The following PLEKHG1 variants were observed in gnomAD, a reference collection of about 807,000 sequenced individuals.
PLEKHG1 encodes pleckstrin homology domain-containing family G member 1.
PLEKHG1 carries 44 observed loss-of-function variants against 100.8 expected under a neutral mutation model. The observed-to-expected ratio is 0.44, with a 90% CI of 0.34 to 0.56. PLEKHG1 has a LOEUF of 0.56. Ranked by LOEUF, PLEKHG1 falls within the 20% of genes least tolerant of loss-of-function variation. The probability of loss-of-function intolerance (pLI) is 0.01; values close to 1 mark genes in which losing one functional copy is unlikely to be tolerated. For synonymous variants in PLEKHG1, 640 were observed against 662.5 expected (o/e 0.97, Z 0.52); for missense variants, 1,545 against 1,720.9 (o/e 0.90, Z 1.81).
At chr6:150,684,005 G>T in intron 3 of PLEKHG1, 1 of 354,728 alleles carries the variant, frequency 2.8e-6, no homozygotes, top group Non-Finnish European at 5.5e-6. Flanking sequence ...GAGACCGCAG[G>T]TAGATGTCCC....
chr6:150,683,959 T>C lies in PLEKHG1; in HGVS notation c.-99+33173T>C, dbSNP rs1483724566. The C allele has an allele frequency of 6.4e-6, 3 of 470,898 alleles. No individual in the cohort carries two copies. In the East Asian group the frequency reaches 2.2e-4, roughly 34 times the overall value. 29.2% of individuals were successfully genotyped at this position (470,898 alleles called of 1,614,324 possible). On this transcript the variant is annotated intron_variant, in intron 3 of 3. Transcript: ENST00000367326. This position sits in a 1 kb window ranked among gnomAD's most constrained non-coding sequence, Gnocchi z 4.0. Reference sequence around the variant, plus strand: ...GGGCAGTGGCAAGTAGTGGGTTTCATGGAAGGATAAAAGTATCAGGCAGCC... The same window carrying C: ...GGGCAGTGGCAAGTAGTGGGTTTCACGGAAGGATAAAAGTATCAGGCAGCC...
At chr6:150,830,220 T>A (rs1036825719) in intron 14 of PLEKHG1, among the ~76,000 whole-genome samples, 5 of 152,150 alleles carry the variant, frequency 3.3e-5, no homozygotes, top group Non-Finnish European at 7.4e-5. Context: ...ATAAAATGAT[T>A]GTGAATATTA....
At chr6:150,670,999 A>G (rs1398138650) in intron 3 of PLEKHG1, among the ~76,000 whole-genome samples, 2 of 151,376 alleles carry the variant, frequency 1.3e-5, no homozygotes, top group Non-Finnish European at 2.9e-5. Flanking sequence ...TTCCTGGGTT[A>G]CATCACTTAG....
intron 3 of PLEKHG1, among the ~76,000 whole-genome samples, chr6:150,692,868 A>C (rs1176153497): frequency 6.6e-6 from 1 of 152,226 alleles, no homozygotes; most frequent in Non-Finnish European, 1.5e-5. Context: ...CTCTGTGTAG[A>C]AAACAGTAGA....
intron 3 of PLEKHG1, among the ~76,000 whole-genome samples, chr6:150,688,359 C>T (rs1207398419): frequency 6.6e-6 from 1 of 151,888 alleles, no homozygotes; most frequent in East Asian, 1.9e-4. Flanking sequence ...CTCACTCTGT[C>T]ACCCAGGCTG....
chr6:150,823,725 T>A, intron 14 of PLEKHG1, 49 bp downstream of exon 15: 1 of 1,388,610 alleles, frequency 7.2e-7, no homozygotes, highest in Non-Finnish European at 1.0e-6. Context: ...TCAGGCACCT[T>A]TCATAGGTGT....
At chr6:150,607,864 G>A (rs1776667081) in intron 1 of PLEKHG1, among the ~76,000 whole-genome samples, 1 of 152,188 alleles carries the variant, frequency 6.6e-6, no homozygotes, top group Non-Finnish European at 1.5e-5. Flanking sequence ...CTCTCTTGAG[G>A]AAAGCACTTT....
chr6:150,807,863 A>G (rs1387812743), intron 7 of PLEKHG1, among the ~76,000 whole-genome samples: 3 of 152,110 alleles, frequency 2.0e-5, no homozygotes, highest in East Asian at 1.9e-4. Context: ...CAGCTACTTG[A>G]GAGGCTGAGG....
At position 150,729,097 on chromosome 6, in the gene PLEKHG1, A is replaced by G. The variant is rs1404048751; in HGVS notation, c.-98-4487A>G. Among the ~76,000 whole-genome samples the G allele has an allele frequency of 3.3e-5, 5 of 151,828 alleles. No individual in the cohort carries two copies. The East Asian group carries it at 7.7e-4, about 23-fold the overall frequency. On this transcript the variant is annotated intron_variant, in intron 1 of 15. Transcript: ENST00000358517. ...TCAGACTGACTGTGTTTGTTTGTTTATTTATTTATTTAGGGTCAAGGTCTC... is the reference window on the plus strand; with the variant it reads ...TCAGACTGACTGTGTTTGTTTGTTTGTTTATTTATTTAGGGTCAAGGTCTC...
chr6:150,782,421 C>A (rs2345748), intron 3 of PLEKHG1, among the ~76,000 whole-genome samples: 152,274 of 152,274 alleles, frequency 1, 76,137 homozygotes, highest in Non-Finnish European at 1. Context: ...AAATAAAGTA[C>A]CAGTATAGTA....
intron 13 of PLEKHG1, 58 bp downstream of exon 14, chr6:150,821,291 C>A: frequency 1.8e-6 from 2 of 1,100,344 alleles, no homozygotes; most frequent in South Asian, 1.3e-5. Flanking sequence ...TAAATCAAAC[C>A]ACACAAAAAT....
chr6:150,840,782 T>C (rs756724773), exon 16 of PLEKHG1: 3 of 1,614,174 alleles, frequency 1.9e-6, no homozygotes, highest in Non-Finnish European at 2.5e-6. Context: ...CACCATATAA[T>C]GATTCTGACA....
At chr6:150,634,952 A>G (rs939268688) in intron 1 of PLEKHG1, among the ~76,000 whole-genome samples, 1 of 152,216 alleles carries the variant, frequency 6.6e-6, no homozygotes, top group Non-Finnish European at 1.5e-5. Flanking sequence ...TGGGGGATGT[A>G]GAAACTTAAA....
chr6:150,758,817 G>A (rs1252432853), intron 2 of PLEKHG1, among the ~76,000 whole-genome samples: 1 of 152,194 alleles, frequency 6.6e-6, no homozygotes, highest in Admixed American at 6.5e-5. Flanking sequence ...CAATACGTGA[G>A]CATTTTCCTT....
intron 3 of PLEKHG1, among the ~76,000 whole-genome samples, chr6:150,701,417 T>TTATA (rs56982419): frequency 0.027 from 825 of 30,834 alleles, 82 homozygotes; most frequent in Non-Finnish European, 0.029. Context: ...CAGTAATTCT[T>TTATA]TATATATATA....
rs1326081441 is a variant in PLEKHG1 at position 150,761,200 on chromosome 6, G to A, written c.412-7438G>A. 2.0e-5 allele frequency among the ~76,000 whole-genome samples: 3 copies of A among 148,642 alleles called. No individual in the cohort carries two copies. In the East Asian group the frequency reaches 6.0e-4, roughly 30 times the overall value. The stretch of plus-strand genomic sequence containing the variant: ...GGCTCACTGCAACCTCCACCTCCTG[G>A]GTTCAAGCGATTCTCCTGCCTCGGC... On this transcript the variant is annotated intron_variant, in intron 2 of 15. Coordinates refer to ENST00000358517, the Ensembl canonical transcript of PLEKHG1.
At chr6:150,834,075 T>A (rs1373726774) in intron 15 of PLEKHG1, among the ~76,000 whole-genome samples, 1 of 152,218 alleles carries the variant, frequency 6.6e-6, no homozygotes, top group Non-Finnish European at 1.5e-5. Flanking sequence ...GTACAATTTC[T>A]TAACAGATAG....
chr6:150,604,010 A>C (rs1277901276), intron 1 of PLEKHG1, among the ~76,000 whole-genome samples: 21 of 152,200 alleles, frequency 1.4e-4, no homozygotes, highest in Non-Finnish European at 4.4e-5. Context: ...TTTAAATACC[A>C]GGGTGTTATG....
exon 16 of PLEKHG1, chr6:150,841,468 C>T (rs1777529320): frequency 6.3e-6 from 1 of 158,022 alleles, no homozygotes. Flanking sequence ...CATTTTGATG[C>T]AGAAATTGTG....
Sources: gnomAD v4.1 joint callset for allele counts (sites outside exome capture counted in the v4.1 genomes callset) on GRCh38, gnomAD v4.1.1 for gene constraint, Gnocchi (gnomAD v3.1) non-coding constraint, MANE v1.5 for transcripts, NCBI Gene and HGNC (gene_info 2026-07-23, HGNC 2026-07-21) for gene names.